The following NAA30 variants were observed in gnomAD, a reference collection of about 807,000 sequenced individuals.
NAA30 encodes N-alpha-acetyltransferase 30, NatC catalytic subunit, also known as N-alpha-acetyltransferase 30.
Under a neutral mutation model 31.4 loss-of-function variants are expected in NAA30, and 5 were observed. The observed-to-expected ratio is 0.16, with a 90% CI of 0.08 to 0.33. NAA30 has a LOEUF of 0.33. Among genes scored for constraint, NAA30 ranks in the 10% least tolerant of loss-of-function variants. NAA30 has a pLI of 1.00. For synonymous variants in NAA30, 222 were observed against 207.1 expected (o/e 1.07, Z -0.62); for missense variants, 428 against 490.8 (o/e 0.87, Z 1.21).
At chr14:57,399,967 C>T (rs1403614604) in intron 4 of NAA30, 84 bp downstream of exon 4, 5 of 703,116 alleles carry the variant, frequency 7.1e-6, no homozygotes, top group Non-Finnish European at 1.2e-5. Context: ...TAATTTATTG[C>T]AGATTTCATT....
At chr14:57,392,132 G>A (rs912466254) in intron 2 of NAA30, among the ~76,000 whole-genome samples, 1 of 152,218 alleles carries the variant, frequency 6.6e-6, no homozygotes, top group South Asian at 2.1e-4. Flanking sequence ...CCATAATCAG[G>A]GAAGAGTGTA....
At chr14:57,401,336 C>T (rs1261892000) in intron 4 of NAA30, among the ~76,000 whole-genome samples, 3 of 152,114 alleles carry the variant, frequency 2.0e-5, no homozygotes, top group Admixed American at 2.0e-4. Flanking sequence ...TGAAGTCATC[C>T]TGGGATTTAA....
chr14:57,401,092 T>C (rs1245265213), intron 4 of NAA30, among the ~76,000 whole-genome samples: 2 of 152,226 alleles, frequency 1.3e-5, no homozygotes, highest in African/African-American at 2.4e-5. Flanking sequence ...CACACCTATG[T>C]GCAAATATAT....
intron 3 of NAA30, among the ~76,000 whole-genome samples, chr14:57,398,940 T>G (rs2066462365): frequency 6.7e-6 from 1 of 149,706 alleles, no homozygotes; most frequent in South Asian, 2.1e-4. Context: ...CCAGCCAGTT[T>G]TTTGTATTTT....
intron 4 of NAA30, among the ~76,000 whole-genome samples, chr14:57,406,796 A>G (rs780003527): frequency 1.3e-5 from 2 of 152,182 alleles, no homozygotes; most frequent in Non-Finnish European, 2.9e-5. Flanking sequence ...GAATTGTTAA[A>G]AACTAAAAAC....
intron 4 of NAA30, 140 bp downstream of exon 4, chr14:57,400,023 A>G (rs1005803652): frequency 4.4e-6 from 2 of 450,012 alleles, no homozygotes; most frequent in African/African-American, 4.1e-5. Context: ...ATTATATTCC[A>G]TTTAAAAACA....
At chr14:57,408,658 A>G (rs1349655101) in intron 4 of NAA30, among the ~76,000 whole-genome samples, 1 of 152,226 alleles carries the variant, frequency 6.6e-6, no homozygotes, top group African/African-American at 2.4e-5. Flanking sequence ...TCAGGTGATT[A>G]TGATACACTG....
intron 1 of NAA30, 106 bp downstream of exon 1, chr14:57,390,811 T>TGGCGGGGAATTGGGGGGC: frequency 1.7e-6 from 1 of 595,826 alleles, no homozygotes. Context: ...AGCGGGGGGG[T>TGGCGGGGAATTGGGGGGC]GGCGGGGAAT....
chr14:57,397,637 C>T (rs1446369663), intron 3 of NAA30, among the ~76,000 whole-genome samples: 1 of 152,108 alleles, frequency 6.6e-6, no homozygotes, highest in African/African-American at 2.4e-5. Context: ...ACTCAATAGG[C>T]CACCAGGTGC....
At chr14:57,397,787 T>A (rs2066457839) in intron 3 of NAA30, among the ~76,000 whole-genome samples, 1 of 151,874 alleles carries the variant, frequency 6.6e-6, no homozygotes, top group Non-Finnish European at 1.5e-5. Flanking sequence ...TAGCTGGGAG[T>A]GGTGGTGGGC....
At chr14:57,398,828 G>A (rs981639549) in intron 3 of NAA30, among the ~76,000 whole-genome samples, 1 of 152,028 alleles carries the variant, frequency 6.6e-6, no homozygotes, top group Non-Finnish European at 1.5e-5. Flanking sequence ...GTAGAGATGG[G>A]GTTTCGTCAT....
Position 57,409,585 on chromosome 14 carries a change from G to A in NAA30, c.*69G>A. 1 of 1,443,700 alleles carries A rather than the reference G, an allele frequency of 6.9e-7. No homozygotes were observed. The highest frequency in any genetic ancestry group is 2.4e-5 in the Admixed American group (1 of 40,962). The allele number at this position is 1,443,700 out of a possible 1,614,324, so 89.4% of individuals were successfully genotyped here. ...CTTTGCATGCAATGCAATTTGTACA[G>A]AATTGCTTTGCAGGTGGATTTAGTA... On this transcript the variant is annotated 3_prime_UTR_variant, in exon 5 of 5. Transcript: ENST00000556492.
At position 57,391,092 on chromosome 14, in the gene NAA30, C is replaced by G. The variant is rs1395982047; in HGVS notation, c.135C>G (p.Asp45Glu). The G allele has an allele frequency of 1.9e-6, 3 of 1,559,470 alleles. No individual in the cohort carries two copies. The South Asian group carries it at 3.6e-5, about 19-fold the overall frequency. Residue 45 changes from aspartate (D) to glutamate (E), a missense_variant, in exon 2 of 5, where the codon GAC (aspartate) becomes GAG (glutamate). Coordinates refer to ENST00000556492, the MANE Select transcript of NAA30 (RefSeq NM_001011713.3). This position sits in a 1 kb window ranked among gnomAD's most constrained non-coding sequence, Gnocchi z 4.1. Reference sequence around the variant, plus strand: ...GCTGCAGCGAGGACGAGGAGGACGACGAAGAGCACGAAGGCGGCGGCAGCA... The same window carrying G: ...GCTGCAGCGAGGACGAGGAGGACGAGGAAGAGCACGAAGGCGGCGGCAGCA... ...LACCSEDEED[D>E]EEHEGGGSRS...
rs1257040197 is a variant in NAA30, at chr14:57,409,430, A to G, written c.1003A>G (p.Asn335Asp). 6.2e-7 allele frequency: 1 copy of G among 1,611,106 alleles called. No individual in the cohort carries two copies. The highest frequency in any genetic ancestry group is 8.5e-7 in the Non-Finnish European group (1 of 1,178,754). Residue 335 changes from asparagine to aspartate, a missense_variant, in exon 5 of 5, where the codon AAT becomes GAT. Physicochemically the swap from Asn to Asp is conservative, Grantham distance 23. Transcript: ENST00000556492. ...TNKSALKLYE[N>D]LGFVRDKRLF... ...TAAGTCCGCTTTGAAACTTTATGAA[A>G]ATCTTGGTTTTGTTCGAGATAAGAG...
intron 3 of NAA30, among the ~76,000 whole-genome samples, chr14:57,398,819 T>C (rs1023830773): frequency 6.6e-6 from 1 of 152,098 alleles, no homozygotes; most frequent in Non-Finnish European, 1.5e-5. Context: ...TATTTTTTAG[T>C]AGAGATGGGG....
chr14:57,405,753 G>A (rs943966383), intron 4 of NAA30, among the ~76,000 whole-genome samples: 12 of 152,314 alleles, frequency 7.9e-5, no homozygotes, highest in East Asian at 1.9e-4. Context: ...AGGGCTTCTA[G>A]GTGCCAGACA....
intron 4 of NAA30, among the ~76,000 whole-genome samples, chr14:57,406,924 G>A (rs901228023): frequency 2.0e-5 from 3 of 152,034 alleles, no homozygotes; most frequent in Non-Finnish European, 4.4e-5. Flanking sequence ...ACAGAGTCTC[G>A]CTCTGTCACC....
chr14:57,395,476 C>G (rs1428576925), intron 2 of NAA30, among the ~76,000 whole-genome samples: 1 of 152,162 alleles, frequency 6.6e-6, no homozygotes, highest in African/African-American at 2.4e-5. Context: ...GGAAAACAGA[C>G]TTCTTACTGA....
chr14:57,409,459 G>T lies in NAA30; in HGVS notation c.1032G>T (p.Leu344=). The change falls in exon 5 of 5, where the codon CTG becomes CTT. Residue 344 remains leucine (L), a synonymous_variant. Coordinates refer to ENST00000556492, the MANE Select transcript of NAA30 (RefSeq NM_001011713.3). ...ENLGFVRDKR[L]FRYYLNGVDA... ...TTGGTTTTGTTCGAGATAAGAGGCTGTTCAGATACTATTTAAATGGAGTTG... is the reference window on the plus strand; with the variant it reads ...TTGGTTTTGTTCGAGATAAGAGGCTTTTCAGATACTATTTAAATGGAGTTG... The T allele has an allele frequency of 6.2e-7, 1 of 1,611,540 alleles. No homozygotes were observed. The highest frequency in any genetic ancestry group is 8.5e-7 in the Non-Finnish European group (1 of 1,178,914).
Sources: gnomAD v4.1 joint callset for allele counts (sites outside exome capture counted in the v4.1 genomes callset) on GRCh38, gnomAD v4.1.1 for gene constraint, Gnocchi (gnomAD v3.1) non-coding constraint, MANE v1.5 for transcripts, NCBI Gene and HGNC (gene_info 2026-07-23, HGNC 2026-07-21) for gene names.